Variants in NTNG2 observed in about 807,000 individuals in gnomAD.
NTNG2 encodes the protein netrin G2.
Under a neutral mutation model 47.6 loss-of-function variants are expected in NTNG2, and 15 were observed. The ratio of observed to expected loss-of-function variants is 0.32; its 90% CI spans 0.21 to 0.49. The LOEUF is 0.49. NTNG2 is among the 20% of genes least tolerant of loss of function. The pLI is 0.99. For synonymous variants in NTNG2, 307 were observed against 324.6 expected (o/e 0.95, Z 0.58); for missense variants, 578 against 764.6 (o/e 0.76, Z 2.88).
rs1314422356 is a variant in NTNG2 at position 132,166,345 on chromosome 9, G to A, written c.-483-4G>A. ...CCTGATTTTATTTTATCTTTACAAC[G>A]CAGGCTGGAGGGTTGTTTTGCCGTT... On this transcript the variant is annotated splice_polypyrimidine_tract_variant and splice_region_variant and intron_variant, in intron 1 of 7. Transcript: ENST00000393229. 1.2e-5 allele frequency: 2 copies of A among 169,170 alleles called. No homozygotes were observed. Among genetic ancestry groups the A allele is most frequent in the East Asian group, 1.5e-4 (1 of 6,800 alleles). 10.5% of individuals were successfully genotyped at this position (169,170 alleles called of 1,614,324 possible). A position where few individuals can be genotyped will look rare whatever the true frequency, so the allele number is the denominator to read the frequency against.
intron 3 of NTNG2, among the ~76,000 whole-genome samples, chr9:132,204,801 T>C (rs936705166): frequency 3.9e-5 from 6 of 151,934 alleles, no homozygotes; most frequent in African/African-American, 1.5e-4. Flanking sequence ...AAGGGCTGGG[T>C]GTGGTGGCTC....
At chr9:132,210,918 A>C (rs1051952284) in intron 3 of NTNG2, among the ~76,000 whole-genome samples, 1 of 152,116 alleles carries the variant, frequency 6.6e-6, no homozygotes, top group Admixed American at 6.5e-5. Context: ...ACACGCAGCC[A>C]TTCACTCATC....
chr9:132,185,715 T>C (rs1837310053), intron 2 of NTNG2, among the ~76,000 whole-genome samples: 2 of 152,168 alleles, frequency 1.3e-5, no homozygotes, highest in Admixed American at 1.3e-4. Context: ...TCCTTTCATT[T>C]ACTTTTTAAA....
chr9:132,167,153 T>C (rs1835551196), intron 2 of NTNG2, 109 bp downstream of exon 2: 3 of 1,205,050 alleles, frequency 2.5e-6, no homozygotes, highest in Non-Finnish European at 3.6e-6. Context: ...CAAGGCTGAC[T>C]TTCCTGCCTC....
Position 132,241,928 on chromosome 9 carries a change from G to A in NTNG2, c.1410G>A (p.Leu470=), listed in dbSNP as rs1382808196. 2 of 1,574,946 alleles carry A rather than the reference G, an allele frequency of 1.3e-6. No homozygotes were observed. The highest frequency in any genetic ancestry group is 8.6e-7 in the Non-Finnish European group (1 of 1,167,590). ...QLLCQNGGTC[L]QNQRCACPRG... is the part of the protein sequence containing the mutation. ...TGTGCCAGAACGGAGGCACCTGCCTGCAGAACCAGCGCTGCGCCTGCCCGC... is the reference window on the plus strand; with the variant it reads ...TGTGCCAGAACGGAGGCACCTGCCTACAGAACCAGCGCTGCGCCTGCCCGC... Residue 470 remains leucine (L), a synonymous_variant, in exon 8 of 8, where the codon CTG becomes CTA. Coordinates refer to ENST00000393229, the MANE Select transcript of NTNG2 (RefSeq NM_032536.4).
chr9:132,170,940 G>A (rs7858111), intron 2 of NTNG2, among the ~76,000 whole-genome samples: 71 of 152,254 alleles, frequency 4.7e-4, no homozygotes, highest in African/African-American at 1.6e-3. Context: ...TGCCGTTGAC[G>A]AAGGGGCCAG....
intron 3 of NTNG2, among the ~76,000 whole-genome samples, chr9:132,224,928 T>C (rs1840627376): frequency 1.3e-5 from 2 of 152,184 alleles, no homozygotes; most frequent in Non-Finnish European, 2.9e-5. Context: ...TCTCTGCTTT[T>C]TTTTTTCCTT....
At chr9:132,211,561 C>A (rs561962796) in intron 3 of NTNG2, among the ~76,000 whole-genome samples, 1 of 152,166 alleles carries the variant, frequency 6.6e-6, no homozygotes, top group Non-Finnish European at 1.5e-5. Context: ...ACCCCAAAGG[C>A]TGGGTCTCTC....
chr9:132,210,657 C>G (rs796674543), intron 3 of NTNG2, among the ~76,000 whole-genome samples: 18 of 152,324 alleles, frequency 1.2e-4, no homozygotes, highest in African/African-American at 3.1e-4. Context: ...CTGTGGCTTG[C>G]TGGGCCTCAC....
At chr9:132,224,924 C>CT (rs764637800) in intron 3 of NTNG2, among the ~76,000 whole-genome samples, 1,548 of 149,666 alleles carry the variant, frequency 0.01, 25 homozygotes, top group African/African-American at 0.03. Context: ...TCTCTCTCTG[C>CT]TTTTTTTTTT....
In NTNG2 at chr9:132,182,011, C is replaced by A. The variant is rs1836984203; in HGVS notation, c.213+14967C>A. ...CCATGTGTGCTGGTGAGCATACTGT[C>A]CCTGTCAGCCTCTCCTCCCCCAGCA... On this transcript the variant is annotated intron_variant, in intron 2 of 7. Coordinates refer to ENST00000393229, the MANE Select transcript of NTNG2 (RefSeq NM_032536.4). This position sits in a 1 kb window ranked among gnomAD's most constrained non-coding sequence, Gnocchi z 4.2. Among the ~76,000 whole-genome samples the A allele has an allele frequency of 6.6e-6, 1 of 152,204 alleles. No individual in the cohort carries two copies. The highest frequency in any genetic ancestry group is 1.5e-5 in the Non-Finnish European group (1 of 68,030).
Position 132,183,107 on chromosome 9 carries a change from C to CT in NTNG2, c.214-14858dup, listed in dbSNP as rs150646325. Among the ~76,000 whole-genome samples the CT allele has an allele frequency of 9.7e-3, 1,475 of 152,292 alleles. 15 individuals carry two copies. The highest frequency in any genetic ancestry group is 0.037 in the East Asian group (194 of 5,178). On this transcript the variant is annotated intron_variant, in intron 2 of 7. Coordinates refer to ENST00000393229, the MANE Select transcript of NTNG2 (RefSeq NM_032536.4). ...GAGAATTCCATGGCCTGCCTCGGCT[C>CT]TCTCAGAGCCTCTCTCACATCTGAG...
intron 3 of NTNG2, among the ~76,000 whole-genome samples, chr9:132,211,771 C>T (rs1429544505): frequency 6.6e-6 from 1 of 152,172 alleles, no homozygotes; most frequent in Non-Finnish European, 1.5e-5. Flanking sequence ...ACAGCCTTGC[C>T]ATAGCTACCA....
At chr9:132,167,799 G>A (rs539942595) in intron 2 of NTNG2, among the ~76,000 whole-genome samples, 156 of 152,282 alleles carry the variant, frequency 1.0e-3, no homozygotes, top group African/African-American at 3.6e-3. Flanking sequence ...AGATGGTTGC[G>A]TGCGAGCTGT....
At chr9:132,229,727 G>T (rs1194912473) in intron 4 of NTNG2, among the ~76,000 whole-genome samples, 1 of 152,248 alleles carries the variant, frequency 6.6e-6, no homozygotes, top group Non-Finnish European at 1.5e-5. Context: ...TGCCTGTCCT[G>T]CTGGCCACAG....
rs566839711 is a variant in NTNG2 at position 132,178,096 on chromosome 9, G to A, written c.213+11052G>A. On this transcript the variant is annotated intron_variant, in intron 2 of 7. Coordinates refer to ENST00000393229, the MANE Select transcript of NTNG2 (RefSeq NM_032536.4). ...GAGGAAACTGAGACTCCAAAACTGA[G>A]TGAAGTCAAGGCTCAAACTCAGATC... Among the ~76,000 whole-genome samples, 7 of 152,348 alleles carry A rather than the reference G, an allele frequency of 4.6e-5. No individual in the cohort carries two copies. The South Asian group carries it at 6.2e-4, about 14-fold the overall frequency.
chr9:132,237,687 C>T (rs1841727623), intron 5 of NTNG2, among the ~76,000 whole-genome samples: 1 of 152,220 alleles, frequency 6.6e-6, no homozygotes, highest in Non-Finnish European at 1.5e-5. Context: ...ACAGGCCTCC[C>T]TCCCCAAGGG....
intron 3 of NTNG2, among the ~76,000 whole-genome samples, chr9:132,199,347 C>T (rs1343592737): frequency 6.6e-6 from 1 of 152,174 alleles, no homozygotes; most frequent in African/African-American, 2.4e-5. Flanking sequence ...CTGCTATATT[C>T]ACAGTTATGG....
intron 2 of NTNG2, among the ~76,000 whole-genome samples, chr9:132,172,586 C>T (rs989011739): frequency 2.6e-5 from 4 of 152,124 alleles, no homozygotes; most frequent in Admixed American, 1.3e-4. Context: ...AGGGCTGTCT[C>T]GCTATCTTTG....
Sources: gnomAD v4.1 joint callset for allele counts (sites outside exome capture counted in the v4.1 genomes callset) on GRCh38, gnomAD v4.1.1 for gene constraint, Gnocchi (gnomAD v3.1) non-coding constraint, MANE v1.5 for transcripts, NCBI Gene and HGNC (gene_info 2026-07-23, HGNC 2026-07-21) for gene names.